The following ANKMY2 variants were observed in gnomAD, a reference collection of about 807,000 sequenced individuals.
ANKMY2 encodes ankyrin repeat and MYND domain containing 2.
Under a neutral mutation model 50.4 loss-of-function variants are expected in ANKMY2, and 36 were observed. The observed-to-expected ratio is 0.71, with a 90% CI of 0.55 to 0.94. The LOEUF is 0.94. ANKMY2 is among the 40% of genes least tolerant of loss of function. The pLI is 0.00. For missense variants in ANKMY2, 565 were observed against 524.0 expected, an observed-to-expected ratio of 1.08 and a Z score of -0.76; for synonymous variants, 187 against 178.8, an observed-to-expected ratio of 1.05 and a Z score of -0.36.
At position 16,600,591 on chromosome 7, in the gene ANKMY2, G is replaced by A; in HGVS notation, c.*170C>T. On this transcript the variant is annotated 3_prime_UTR_variant, in exon 10 of 10. Transcript: ENST00000306999. ...TTCAATTATAGAACAGAAATCAATA[G>A]GAAATTAGGGCATGGTCAACAGGGG... The A allele has an allele frequency of 6.4e-6, 3 of 466,070 alleles. No individual in the cohort carries two copies. Among genetic ancestry groups the A allele is most frequent in the Non-Finnish European group, 1.1e-5 (3 of 285,396 alleles). 28.9% of individuals were successfully genotyped at this position (466,070 alleles called of 1,614,324 possible).
At chr7:16,637,653 C>T (rs1222267364) in intron 1 of ANKMY2, among the ~76,000 whole-genome samples, 3 of 152,164 alleles carry the variant, frequency 2.0e-5, no homozygotes, top group African/African-American at 4.8e-5. Flanking sequence ...TGTGAGCATG[C>T]GAGCCAGTTC....
intron 7 of ANKMY2, among the ~76,000 whole-genome samples, chr7:16,606,032 T>C (rs1468950872): frequency 6.6e-6 from 1 of 151,950 alleles, no homozygotes; most frequent in Non-Finnish European, 1.5e-5. Context: ...TTGGCCAGGC[T>C]GGTCTCAAAC....
At chr7:16,644,714 T>A in intron 1 of ANKMY2, 1 of 471,148 alleles carries the variant, frequency 2.1e-6, no homozygotes, top group Non-Finnish European at 4.4e-6. Context: ...GGCAGGGAAC[T>A]CCTCTGGGAC....
intron 3 of ANKMY2, among the ~76,000 whole-genome samples, chr7:16,626,566 C>T (rs1206254633): frequency 6.6e-6 from 1 of 152,126 alleles, no homozygotes; most frequent in Non-Finnish European, 1.5e-5. Context: ...TAATTGTAGA[C>T]AGTATTTCTA....
Position 16,609,685 on chromosome 7 carries a change from TAAGGA to T in ANKMY2, c.822_826del (p.Phe274LeufsTer3), listed in dbSNP as rs1489626042. On this transcript the variant is annotated frameshift_variant, in exon 7 of 10. Coordinates refer to ENST00000306999, the MANE Select transcript of ANKMY2 (RefSeq NM_020319.3). LOFTEE classifies it high-confidence loss of function. ...CTGCTGGAGGAGTGTAGCTTCACAGTAAGGAAATTTTCTGATACTTTCTCTAATGA... is the reference window on the plus strand; with the variant it reads ...CTGCTGGAGGAGTGTAGCTTCACAGTAATTTTCTGATACTTTCTCTAATGA... The T allele has an allele frequency of 6.2e-7, 1 of 1,613,054 alleles. No individual in the cohort carries two copies. Among genetic ancestry groups the T allele is most frequent in the East Asian group, 2.2e-5 (1 of 44,758 alleles).
At chr7:16,615,204 T>C (rs1278295525) in intron 5 of ANKMY2, among the ~76,000 whole-genome samples, 1 of 152,220 alleles carries the variant, frequency 6.6e-6, no homozygotes, top group African/African-American at 2.4e-5. Context: ...TTTCAGAATC[T>C]TTCTTAGAAA....
rs545449879 is a variant in ANKMY2 at position 16,639,367 on chromosome 7, G to A, written c.68-2912C>T. 5.9e-5 allele frequency among the ~76,000 whole-genome samples: 9 copies of A among 152,294 alleles called. No individual in the cohort carries two copies. The South Asian group carries it at 1.9e-3, about 32-fold the overall frequency. ...AGTACTATAAGAAGGGATGTGCAAG[G>A]AGCCAACATTTACCTTCATTGGAGA... On this transcript the variant is annotated intron_variant, in intron 1 of 9. Coordinates refer to ENST00000306999, the MANE Select transcript of ANKMY2 (RefSeq NM_020319.3).
intron 4 of ANKMY2, among the ~76,000 whole-genome samples, chr7:16,618,592 T>G: frequency 6.6e-6 from 1 of 151,876 alleles, no homozygotes; most frequent in Non-Finnish European, 1.5e-5. Flanking sequence ...TTCGGGGAGG[T>G]GGGTATTTCT....
intron 5 of ANKMY2, 56 bp downstream of exon 5, chr7:16,615,687 GT>G: frequency 1.2e-6 from 2 of 1,606,822 alleles, no homozygotes; most frequent in Non-Finnish European, 1.7e-6. Context: ...AATAAAAGCA[GT>G]TTAAACTCTG....
intron 1 of ANKMY2, among the ~76,000 whole-genome samples, chr7:16,643,180 C>A (rs1781767855): frequency 6.6e-6 from 1 of 152,278 alleles, no homozygotes; most frequent in Admixed American, 6.5e-5. Context: ...CAGGAAAAGT[C>A]ACTTGCCCAA....
At chr7:16,622,934 A>C (rs1178901936) in intron 4 of ANKMY2, among the ~76,000 whole-genome samples, 1 of 152,200 alleles carries the variant, frequency 6.6e-6, no homozygotes, top group East Asian at 1.9e-4. Context: ...ATTTGTAGAA[A>C]AGTGGTTAAA....
intron 1 of ANKMY2, among the ~76,000 whole-genome samples, chr7:16,643,834 C>T (rs1173626765): frequency 1.5e-5 from 2 of 136,022 alleles, no homozygotes; most frequent in Non-Finnish European, 3.1e-5. Flanking sequence ...GCCTGGGCAA[C>T]ATAGGGAGAC....
At chr7:16,636,898 A>G (rs1395394924) in intron 1 of ANKMY2, among the ~76,000 whole-genome samples, 1 of 152,262 alleles carries the variant, frequency 6.6e-6, no homozygotes, top group Non-Finnish European at 1.5e-5. Flanking sequence ...AATTGATGAC[A>G]TATTTATAAT....
intron 3 of ANKMY2, 32 bp from the exon 4 acceptor site, chr7:16,625,113 G>T: frequency 1.3e-6 from 2 of 1,538,894 alleles, no homozygotes; most frequent in Non-Finnish European, 1.8e-6. Flanking sequence ...ATTTGTTAAT[G>T]TTAAGGAGGA....
At chr7:16,633,066 C>A (rs79151104) in intron 2 of ANKMY2, among the ~76,000 whole-genome samples, 3,027 of 152,170 alleles carry the variant, frequency 0.02, 108 homozygotes, top group East Asian at 0.13. Flanking sequence ...CAATATCTAT[C>A]CAGATCCTTG....
At chr7:16,609,121 T>C (rs944242692) in intron 7 of ANKMY2, among the ~76,000 whole-genome samples, 2 of 152,204 alleles carry the variant, frequency 1.3e-5, no homozygotes, top group Non-Finnish European at 1.5e-5. Context: ...GTTGTAAGTA[T>C]GGACATTTTC....
At chr7:16,617,416 C>G (rs1320642319) in intron 4 of ANKMY2, among the ~76,000 whole-genome samples, 1 of 152,150 alleles carries the variant, frequency 6.6e-6, no homozygotes, top group East Asian at 1.9e-4. Context: ...AGGTACAGAA[C>G]AAGGTACGTA....
In ANKMY2 at chr7:16,600,881, G is replaced by A. The variant is rs2128341334; in HGVS notation, c.1206C>T (p.Ile402=). The change falls in exon 10 of 10, where the codon ATC becomes ATT. Residue 402 remains isoleucine, a synonymous_variant. Coordinates refer to ENST00000306999, the MANE Select transcript of ANKMY2 (RefSeq NM_020319.3). ...CTTCAGGATTGGAATCCTTTTGAGA[G>A]ATACCTACTTCAGCCTCTGGTTGCT... ...NEEQPEAEVG[I]SQKDSNPEDS... The A allele has an allele frequency of 6.2e-7, 1 of 1,612,154 alleles. No homozygotes were observed.
At chr7:16,619,073 A>G (rs567508324) in intron 4 of ANKMY2, among the ~76,000 whole-genome samples, 2 of 152,344 alleles carry the variant, frequency 1.3e-5, no homozygotes, top group East Asian at 3.9e-4. Context: ...AAAAGCAGGC[A>G]GCAGGTAGAA....
Sources: gnomAD v4.1 joint callset for allele counts (sites outside exome capture counted in the v4.1 genomes callset) on GRCh38, gnomAD v4.1.1 for gene constraint, MANE v1.5 for transcripts, NCBI Gene and HGNC (gene_info 2026-07-23, HGNC 2026-07-21) for gene names.